ATOSB: variants seen among roughly 807,000 people sequenced by gnomAD.
ATOSB encodes atos homolog B, also known as atos homolog protein B.
At chr9:35,108,633 T>G in the ATOSB span, 2 of 1,043,290 alleles carry the variant, frequency 1.9e-6, no homozygotes. Flanking sequence ...GCGTCCCCTC[T>G]TCCCAACTGA....
At chr9:35,115,975 A>C in the ATOSB span, 1 of 141,048 alleles carries the variant, frequency 7.1e-6, no homozygotes, top group African/African-American at 2.7e-5. Context: ...CCTTCTGTGG[A>C]CTTGTCCCTT....
At chr9:35,107,458 T>C in the ATOSB span, 4,241 of 1,612,440 alleles carry the variant, frequency 2.6e-3, 58 homozygotes, top group East Asian at 9.7e-3. Flanking sequence ...TTGGCAGCAG[T>C]AGGGTGGCCC....
At chr9:35,108,150 G>GC in the ATOSB span, 87 of 1,577,286 alleles carry the variant, frequency 5.5e-5, no homozygotes, top group Admixed American at 5.2e-4. Flanking sequence ...GGGGGATGTC[G>GC]CCCCCCCTGC....
the ATOSB span, chr9:35,105,743 C>T: frequency 6.2e-7 from 1 of 1,613,954 alleles, no homozygotes; most frequent in Non-Finnish European, 8.5e-7. This position sits in a 1 kb window ranked among gnomAD's most constrained non-coding sequence, Gnocchi z 5.5. Flanking sequence ...TCCTCACCCA[C>T]AGGCACCAAA....
At chr9:35,115,982 C>G in the ATOSB span, 3 of 151,984 alleles carry the variant, frequency 2.0e-5, no homozygotes, top group Non-Finnish European at 4.4e-5. Flanking sequence ...TGGACTTGTC[C>G]CTTTCCTCGT....
chr9:35,104,708 C>T, the ATOSB span: 1 of 306,976 alleles, frequency 3.3e-6, no homozygotes, highest in Non-Finnish European at 7.1e-6. Flanking sequence ...GGAATAGCCC[C>T]TCTTCCCTCA....
chr9:35,113,443 G>A, the ATOSB span, among the ~76,000 whole-genome samples: 1 of 152,110 alleles, frequency 6.6e-6, no homozygotes, highest in Non-Finnish European at 1.5e-5. Flanking sequence ...GACTAACATG[G>A]TGAAACCCCG....
At chr9:35,104,694 C>G in the ATOSB span, 2 of 339,584 alleles carry the variant, frequency 5.9e-6, no homozygotes, top group Non-Finnish European at 1.3e-5. Flanking sequence ...GACTCAGTCC[C>G]TCTGGAATAG....
chr9:35,108,594 C>A, the ATOSB span: 8 of 1,123,430 alleles, frequency 7.1e-6, no homozygotes, highest in Non-Finnish European at 7.6e-6. Flanking sequence ...TGGTACTTAC[C>A]CCGATGAAGA....
chr9:35,106,053 A>T, the ATOSB span: 2 of 1,584,358 alleles, frequency 1.3e-6, no homozygotes, highest in Non-Finnish European at 1.7e-6. This position sits in a 1 kb window ranked among gnomAD's most constrained non-coding sequence, Gnocchi z 4.6. Flanking sequence ...GACTAGGAAA[A>T]CCCTGGGCCC....
chr9:35,115,426 C>A, the ATOSB span, among the ~76,000 whole-genome samples: 1 of 152,036 alleles, frequency 6.6e-6, no homozygotes, highest in Non-Finnish European at 1.5e-5. Context: ...GTTCTGTTCT[C>A]CTGCCTCAAG....
the ATOSB span, chr9:35,116,378 C>G: frequency 6.5e-6 from 1 of 152,672 alleles, no homozygotes; most frequent in Non-Finnish European, 1.5e-5. Context: ...ACCCCGGCCA[C>G]GTGCGGCTTC....
At chr9:35,108,151 C>T in the ATOSB span, 2 of 1,576,120 alleles carry the variant, frequency 1.3e-6, no homozygotes, top group South Asian at 2.3e-5. Context: ...GGGGATGTCG[C>T]CCCCCCTGCT....
the ATOSB span, among the ~76,000 whole-genome samples, chr9:35,112,836 A>AC: frequency 4.0e-5 from 6 of 150,972 alleles, no homozygotes; most frequent in African/African-American, 1.5e-4. Flanking sequence ...TGTGCTGTGG[A>AC]CCCCCCAGGG....
chr9:35,112,118 A>C, the ATOSB span, among the ~76,000 whole-genome samples: 3 of 152,214 alleles, frequency 2.0e-5, no homozygotes, highest in Non-Finnish European at 2.9e-5. Flanking sequence ...GCCAGAGAAG[A>C]AAAAGGCCTG....
At chr9:35,105,977 C>T in the ATOSB span, 2 of 1,614,048 alleles carry the variant, frequency 1.2e-6, no homozygotes, top group Non-Finnish European at 1.7e-6. This position sits in a 1 kb window ranked among gnomAD's most constrained non-coding sequence, Gnocchi z 5.5. Flanking sequence ...CGCTGTAACC[C>T]TTCCTCCCCA....
At chr9:35,106,149 T>C in the ATOSB span, 1 of 1,544,994 alleles carries the variant, frequency 6.5e-7, no homozygotes, top group South Asian at 1.2e-5. The surrounding 1 kb of genome is among the most constrained non-coding windows in gnomAD (Gnocchi z 4.6). Flanking sequence ...CCTGACTCAC[T>C]TCTAGGTGAG....
chr9:35,106,978 C>A, the ATOSB span: 1 of 1,203,788 alleles, frequency 8.3e-7, no homozygotes, highest in South Asian at 1.3e-5. This position sits in a 1 kb window ranked among gnomAD's most constrained non-coding sequence, Gnocchi z 4.6. Context: ...CTCAAAGGAA[C>A]ACCCTGCCCC....
chr9:35,105,250 G>A, the ATOSB span: 11 of 1,613,880 alleles, frequency 6.8e-6, no homozygotes, highest in Admixed American at 1.7e-5. The surrounding 1 kb of genome is among the most constrained non-coding windows in gnomAD (Gnocchi z 5.5). Flanking sequence ...CGTGGATTAT[G>A]AGGGGCCTCG....
Sources: gnomAD v4.1 joint callset for allele counts (sites outside exome capture counted in the v4.1 genomes callset) on GRCh38, gnomAD v4.1.1 for gene constraint, Gnocchi (gnomAD v3.1) non-coding constraint, MANE v1.5 for transcripts, NCBI Gene and HGNC (gene_info 2026-07-23, HGNC 2026-07-21) for gene names.